PLXNC1: variants seen among roughly 807,000 people sequenced by gnomAD.
The protein encoded by PLXNC1 is plexin-C1.
A neutral mutation model predicts 178.2 loss-of-function variants in PLXNC1; 75 were observed. That is an observed-to-expected ratio of 0.42 (90% CI 0.35 to 0.51). The LOEUF is 0.51. Among genes scored for constraint, PLXNC1 ranks in the 20% least tolerant of loss-of-function variants. The probability of loss-of-function intolerance (pLI) is 0.02; values close to 1 mark genes in which losing one functional copy is unlikely to be tolerated. For synonymous variants in PLXNC1, 790 were observed against 779.9 expected (o/e 1.01, Z -0.22); for missense variants, 1,503 against 1,984.4 (o/e 0.76, Z 4.61).
At position 94,169,160 on chromosome 12, in the gene PLXNC1, G is replaced by A. The variant is rs759730102; in HGVS notation, c.1070G>A (p.Gly357Glu). The change falls in exon 2 of 31, where the codon GGG becomes GAG. Residue 357 changes from glycine (G) to glutamate (E), a missense_variant. Coordinates refer to ENST00000258526, the MANE Select transcript of PLXNC1 (RefSeq NM_005761.3). ...GTTTGTGTGCATGTTCAGAAAGAAG[G>A]GGATCAACCTGAAAGAGTCCAACCA... is the stretch of plus-strand genomic sequence containing the variant. ...FKTAESHCKE[G>E]DQPERVQPIA... The A allele has an allele frequency of 1.2e-6, 2 of 1,613,282 alleles. No homozygotes were observed. The highest frequency in any genetic ancestry group is 8.5e-7 in the Non-Finnish European group (1 of 1,179,628).
intron 3 of PLXNC1, among the ~76,000 whole-genome samples, chr12:94,182,417 CAAAAAAAAAAAA>C (rs10596280): frequency 4.6e-5 from 2 of 43,400 alleles, no homozygotes; most frequent in Admixed American, 3.8e-4. Context: ...GACCCTGTCT[CAAAAAAAAAAAA>C]AAAAAAAAAA....
At chr12:94,164,416 G>T (rs985396151) in intron 1 of PLXNC1, among the ~76,000 whole-genome samples, 1 of 140,954 alleles carries the variant, frequency 7.1e-6, no homozygotes, top group Non-Finnish European at 1.5e-5. Flanking sequence ...CGATGATGCC[G>T]CAAAAGCTGG....
At position 94,255,728 on chromosome 12, in the gene PLXNC1, A is replaced by G. The variant is rs985430309; in HGVS notation, c.3087+432A>G. Among the ~76,000 whole-genome samples the G allele has an allele frequency of 2.0e-5, 3 of 152,236 alleles. No individual in the cohort carries two copies. The East Asian group carries it at 5.8e-4, about 29-fold the overall frequency. Reference sequence around the variant, plus strand: ...TACTTCTCAATTGGAAAGGAAAAATACTACTGGTCAAAAGGGAGGAAAGTA... The same window carrying G: ...TACTTCTCAATTGGAAAGGAAAAATGCTACTGGTCAAAAGGGAGGAAAGTA... On this transcript the variant is annotated intron_variant, in intron 17 of 30. Transcript: ENST00000258526.
intron 5 of PLXNC1, among the ~76,000 whole-genome samples, chr12:94,211,868 G>A (rs1372046784): frequency 6.6e-6 from 1 of 152,238 alleles, no homozygotes. Context: ...GTCTCTATAT[G>A]ATTATTTGAG....
At position 94,167,082 on chromosome 12, in the gene PLXNC1, G is replaced by A. The variant is rs930858625; in HGVS notation, c.1063-2071G>A. The stretch of plus-strand genomic sequence containing the variant: ...AAACTACAATTGTTGAGGACAGCCA[G>A]AAATCAGAGAAGGACACCGGGAAAG... On this transcript the variant is annotated intron_variant, in intron 1 of 30. Coordinates refer to ENST00000258526, the MANE Select transcript of PLXNC1 (RefSeq NM_005761.3). Among the ~76,000 whole-genome samples, 3 of 152,288 alleles carry A rather than the reference G, an allele frequency of 2.0e-5. No homozygotes were observed. In the South Asian group the frequency reaches 6.2e-4, roughly 32 times the overall value.
intron 26 of PLXNC1, 98 bp from the exon 27 acceptor site, chr12:94,298,534 A>ATTAT: frequency 9.8e-7 from 1 of 1,015,794 alleles, no homozygotes; most frequent in South Asian, 1.7e-5. Flanking sequence ...TGTTTTGAAC[A>ATTAT]TTATTTTCTC....
intron 22 of PLXNC1, 77 bp from the exon 23 acceptor site, chr12:94,282,221 A>G: frequency 1.1e-6 from 1 of 917,578 alleles, no homozygotes; most frequent in Non-Finnish European, 1.8e-6. Flanking sequence ...TTCAAGTTTT[A>G]GTTATCCATA....
At chr12:94,181,611 T>A in intron 3 of PLXNC1, 31 bp downstream of exon 3, 2 of 1,557,490 alleles carry the variant, frequency 1.3e-6, no homozygotes, top group Non-Finnish European at 8.8e-7. Flanking sequence ...TTGCTTCTGA[T>A]TTATGAATAA....
chr12:94,177,423 T>G (rs755931337), intron 2 of PLXNC1, among the ~76,000 whole-genome samples: 9 of 148,142 alleles, frequency 6.1e-5, no homozygotes, highest in Non-Finnish European at 1.1e-4. Flanking sequence ...CCACGCTAAG[T>G]AGCTTTTTCA....
intron 23 of PLXNC1, among the ~76,000 whole-genome samples, chr12:94,283,369 G>C (rs778962406): frequency 6.6e-6 from 1 of 152,138 alleles, no homozygotes; most frequent in Non-Finnish European, 1.5e-5. Context: ...GCAATGGAGA[G>C]GGGGAAGGAG....
chr12:94,244,153 C>A, intron 12 of PLXNC1, 128 bp downstream of exon 12: 1 of 507,836 alleles, frequency 2.0e-6, no homozygotes, highest in Non-Finnish European at 3.6e-6. Flanking sequence ...CCTATGCTAT[C>A]ATATATTCTA....
intron 2 of PLXNC1, chr12:94,176,424 G>A (rs1350455352): frequency 6.6e-6 from 1 of 152,150 alleles, no homozygotes; most frequent in Non-Finnish European, 1.5e-5. Context: ...CAGGGGCCAC[G>A]GAAGCAGAAA....
In PLXNC1 at chr12:94,198,675, A is replaced by C. The variant is rs1049095411; in HGVS notation, c.1440-10915A>C. Among the ~76,000 whole-genome samples the C allele has an allele frequency of 3.3e-5, 5 of 152,280 alleles. 1 individual carries two copies. The highest frequency in any genetic ancestry group is 1.9e-4 in the East Asian group (1 of 5,172). On this transcript the variant is annotated intron_variant, in intron 4 of 30. Transcript: ENST00000258526. ...CAGAGCCGGGCTCCCTCTGGAGGCTATAGGGGCAAATCCTTCCTCACCTCT... is the reference window on the plus strand; with the variant it reads ...CAGAGCCGGGCTCCCTCTGGAGGCTCTAGGGGCAAATCCTTCCTCACCTCT...
intron 6 of PLXNC1, 54 bp downstream of exon 6, chr12:94,220,217 C>G (rs564747788): frequency 1.9e-6 from 3 of 1,557,886 alleles, no homozygotes; most frequent in Non-Finnish European, 2.6e-6. Context: ...AACAAGGGAA[C>G]CTCCTGAGTT....
chr12:94,150,278 T>G (rs1364217359), intron 1 of PLXNC1, among the ~76,000 whole-genome samples: 1 of 152,080 alleles, frequency 6.6e-6, no homozygotes, highest in East Asian at 1.9e-4. Flanking sequence ...GGGTTGGAGT[T>G]AGACTCAAAA....
At chr12:94,156,952 C>T (rs1961197203) in intron 1 of PLXNC1, among the ~76,000 whole-genome samples, 1 of 152,128 alleles carries the variant, frequency 6.6e-6, no homozygotes, top group African/African-American at 2.4e-5. Flanking sequence ...TGAGCTAAAG[C>T]AGTCCTTCCG....
chr12:94,279,897 C>T lies in PLXNC1; in HGVS notation c.3775+248C>T, dbSNP rs987103379. ...TTGTTGTTGTTGTCTTTAAATATTA[C>T]GTCTGTAAATCAGATTGATGAGATT... On this transcript the variant is annotated intron_variant, in intron 22 of 30. Transcript: ENST00000258526. The T allele has an allele frequency of 6.8e-5, 44 of 642,502 alleles. No individual in the cohort carries two copies. In the Middle Eastern group the frequency reaches 1.0e-3, roughly 15 times the overall value. The allele number at this position is 642,502 out of a possible 1,614,324, so 39.8% of individuals were successfully genotyped here.
intron 3 of PLXNC1, among the ~76,000 whole-genome samples, chr12:94,185,620 AT>A (rs1258975344): frequency 6.6e-6 from 1 of 152,134 alleles, no homozygotes; most frequent in African/African-American, 2.4e-5. Flanking sequence ...TGGGGAAATG[AT>A]TTGACTACTC....
chr12:94,193,822 G>A (rs996412452), intron 4 of PLXNC1, among the ~76,000 whole-genome samples: 6 of 152,202 alleles, frequency 3.9e-5, no homozygotes, highest in Non-Finnish European at 8.8e-5. Context: ...AGTAGGGAGT[G>A]TAGAAGGAGT....
Sources: allele counts gnomAD v4.1 joint callset (sites outside exome capture counted in the v4.1 genomes callset), GRCh38; gene constraint gnomAD v4.1.1; transcripts MANE v1.5; gene names NCBI Gene and HGNC (gene_info 2026-07-23, HGNC 2026-07-21).